Variants in SNTG2 observed in about 807,000 individuals in gnomAD.
SNTG2 encodes the protein syntrophin gamma 2, also known as gamma-2-syntrophin.
In SNTG2, 74 loss-of-function variants were observed where a neutral mutation model predicts 70.9. The ratio of observed to expected loss-of-function variants is 1.04; its 90% CI spans 0.86 to 1.27. SNTG2 has a LOEUF of 1.27. SNTG2 is among the 50% of genes most tolerant of loss of function. The pLI is 0.00. For missense variants in SNTG2, 717 were observed against 690.7 expected (o/e 1.04, Z -0.43); for synonymous variants, 278 against 273.8 (o/e 1.02, Z -0.15).
At chr2:1,083,061 CTCGGCTGTCGTTACT>C (rs1460542907) in intron 1 of SNTG2, among the ~76,000 whole-genome samples, 1 of 152,128 alleles carries the variant, frequency 6.6e-6, no homozygotes, top group Non-Finnish European at 1.5e-5. Context: ...CCGCTTCCTC[CTCGGCTGTCGTTACT>C]TCCAATGTGT....
At chr2:1,067,181 A>G (rs540509573) in intron 1 of SNTG2, among the ~76,000 whole-genome samples, 1 of 152,314 alleles carries the variant, frequency 6.6e-6, no homozygotes, top group Non-Finnish European at 1.5e-5. Context: ...GTTGTGTAAC[A>G]TAACCACATT....
At chr2:1,356,955 T>C (rs1371208017) in intron 16 of SNTG2, among the ~76,000 whole-genome samples, 1 of 152,012 alleles carries the variant, frequency 6.6e-6, no homozygotes, top group African/African-American at 2.4e-5. Context: ...TTTCTTAATG[T>C]CTATTTTGGA....
chr2:1,170,283 G>T (rs4325782), intron 7 of SNTG2, among the ~76,000 whole-genome samples: 1 of 152,010 alleles, frequency 6.6e-6, no homozygotes. Flanking sequence ...CACTTCAGCA[G>T]TTTTAAATAT....
intron 14 of SNTG2, among the ~76,000 whole-genome samples, chr2:1,268,084 T>C (rs1678843415): frequency 6.6e-6 from 1 of 152,202 alleles, no homozygotes; most frequent in Non-Finnish European, 1.5e-5. Context: ...AATACATCAC[T>C]CACAAATTTG....
In SNTG2 at chr2:1,106,025, G is replaced by A. The variant is rs191413854; in HGVS notation, c.325+7615G>A. Among the ~76,000 whole-genome samples the A allele has an allele frequency of 8.8e-3, 1,266 of 143,956 alleles. 34 individuals carry two copies. The highest frequency in any genetic ancestry group is 0.032 in the African/African-American group (1,199 of 38,046). The allele number at this position is 143,956 out of a possible 152,430, so 94.4% of individuals were successfully genotyped here. ...AGAGCTCCTTGGTAATAATGGACAC[G>A]TGCTGTCACTCGGGTGCAGGGTATG... On this transcript the variant is annotated intron_variant, in intron 4 of 16. Transcript: ENST00000308624.
intron 16 of SNTG2, among the ~76,000 whole-genome samples, chr2:1,352,572 G>C (rs1002222549): frequency 6.6e-6 from 1 of 152,222 alleles, no homozygotes; most frequent in Non-Finnish European, 1.5e-5. Context: ...AGCCTCCCAG[G>C]AAATGCTGTC....
At chr2:1,143,887 C>G (rs1362632136) in intron 6 of SNTG2, among the ~76,000 whole-genome samples, 1 of 143,588 alleles carries the variant, frequency 7.0e-6, no homozygotes, top group Non-Finnish European at 1.5e-5. Flanking sequence ...AACAAACAAC[C>G]CCCCCCCAGA....
chr2:1,017,897 C>T (rs1414250251), intron 1 of SNTG2, among the ~76,000 whole-genome samples: 1 of 152,104 alleles, frequency 6.6e-6, no homozygotes, highest in Non-Finnish European at 1.5e-5. Context: ...GAGGAGGTGA[C>T]CTGTGGTGTC....
chr2:1,149,638 A>G (rs58759832), intron 6 of SNTG2, among the ~76,000 whole-genome samples: 141,291 of 150,572 alleles, frequency 0.94, 66,375 homozygotes, highest in Non-Finnish European at 0.97. Context: ...CATTATTCCT[A>G]CCCACCCTCA....
At chr2:1,340,214 CTG>C (rs531796952) in intron 16 of SNTG2, among the ~76,000 whole-genome samples, 2 of 152,200 alleles carry the variant, frequency 1.3e-5, no homozygotes, top group African/African-American at 2.4e-5. Flanking sequence ...ACCTCAGAGA[CTG>C]TGAATTTGGA....
intron 1 of SNTG2, among the ~76,000 whole-genome samples, chr2:1,051,196 T>C (rs910679165): frequency 6.2e-4 from 48 of 77,324 alleles, no homozygotes; most frequent in Admixed American, 5.4e-3. Context: ...TTTCCTCCCT[T>C]CCTCCCTTCC....
intron 1 of SNTG2, among the ~76,000 whole-genome samples, chr2:1,083,183 A>AAT (rs1553321853): frequency 0.015 from 2,187 of 142,258 alleles, 51 homozygotes; most frequent in African/African-American, 0.052. Context: ...AAACTAAAAA[A>AAT]ATATATATAT....
At chr2:1,029,512 A>G (rs187854926) in intron 1 of SNTG2, among the ~76,000 whole-genome samples, 7 of 150,222 alleles carry the variant, frequency 4.7e-5, no homozygotes, top group Admixed American at 3.9e-4. Flanking sequence ...GGAAATTAAG[A>G]AATGGAATTT....
At chr2:1,360,584 A>G (rs926935220) in intron 16 of SNTG2, among the ~76,000 whole-genome samples, 1 of 152,116 alleles carries the variant, frequency 6.6e-6, no homozygotes, top group East Asian at 1.9e-4. Context: ...TATTTCCCTT[A>G]TATTTGTGTG....
intron 1 of SNTG2, among the ~76,000 whole-genome samples, chr2:1,051,629 G>A (rs2148079993): frequency 6.6e-6 from 1 of 152,258 alleles, no homozygotes; most frequent in East Asian, 1.9e-4. Context: ...TTTCTGTGCT[G>A]GGGGCAAGCA....
In SNTG2 at chr2:1,360,113, G is replaced by A. The variant is rs143152885; in HGVS notation, c.1489-7230G>A. On this transcript the variant is annotated intron_variant, in intron 16 of 16. Coordinates refer to ENST00000308624, the MANE Select transcript of SNTG2 (RefSeq NM_018968.4). ...AAGTTATCTGTATTCATTTTCTATC[G>A]ATGCTTAACAAATTAACACAAATAT... Among the ~76,000 whole-genome samples the A allele has an allele frequency of 1.4e-3, 220 of 152,070 alleles. 1 individual carries two copies. The highest frequency in any genetic ancestry group is 5.0e-3 in the African/African-American group (209 of 41,458).
At chr2:1,070,433 G>A (rs1382121758) in intron 1 of SNTG2, among the ~76,000 whole-genome samples, 1 of 152,140 alleles carries the variant, frequency 6.6e-6, no homozygotes, top group African/African-American at 2.4e-5. Context: ...AGCCGTTGAT[G>A]AGGGTTAAAT....
intron 9 of SNTG2, among the ~76,000 whole-genome samples, chr2:1,231,348 A>C (rs1676233152): frequency 6.6e-6 from 1 of 152,236 alleles, no homozygotes; most frequent in Non-Finnish European, 1.5e-5. Flanking sequence ...AATAGATCCG[A>C]AACGTGAATT....
intron 14 of SNTG2, among the ~76,000 whole-genome samples, chr2:1,285,188 T>C (rs1679717786): frequency 6.6e-6 from 1 of 152,148 alleles, no homozygotes; most frequent in Non-Finnish European, 1.5e-5. Context: ...CTGCCTGGTT[T>C]ATATTTGCTG....
Sources: gnomAD v4.1 joint callset for allele counts (sites outside exome capture counted in the v4.1 genomes callset) on GRCh38, gnomAD v4.1.1 for gene constraint, MANE v1.5 for transcripts, NCBI Gene and HGNC (gene_info 2026-07-23, HGNC 2026-07-21) for gene names.